The following FHIT variants were observed in gnomAD, a reference collection of about 807,000 sequenced individuals.
The protein encoded by FHIT is bis(5'-adenosyl)-triphosphatase.
FHIT carries 19 observed loss-of-function variants against 17.9 expected under a neutral mutation model. The observed-to-expected ratio is 1.06, with a 90% CI of 0.74 to 1.56. FHIT has a LOEUF of 1.56. FHIT is among the 40% of genes most tolerant of loss of function. The pLI is 0.00. For missense variants in FHIT, 248 were observed against 189.2 expected (o/e 1.31, Z -1.82); for synonymous variants, 81 against 69.7 (o/e 1.16, Z -0.81).
chr3:60,436,533 A>G (rs116253542), intron 5 of FHIT, among the ~76,000 whole-genome samples: 1,566 of 151,314 alleles, frequency 0.01, 41 homozygotes, highest in African/African-American at 0.034. Flanking sequence ...TGTCCTAGAC[A>G]TATTAGCCTT....
chr3:60,196,327 T>C (rs1702639105), intron 5 of FHIT, among the ~76,000 whole-genome samples: 1 of 152,110 alleles, frequency 6.6e-6, no homozygotes, highest in African/African-American at 2.4e-5. Flanking sequence ...CCTTCCCACA[T>C]CTTCAAAGCC....
intron 5 of FHIT, among the ~76,000 whole-genome samples, chr3:60,249,721 C>CACAT (rs1553723139): frequency 6.6e-6 from 1 of 151,012 alleles, no homozygotes; most frequent in Non-Finnish European, 1.5e-5. Context: ...CACACACACA[C>CACAT]GGGAGAAGGG....
rs140466746 is a variant in FHIT at position 60,278,499 on chromosome 3, A to G, written c.103+258361T>C. ...CTGAGATGTAATCATAATATACAAC[A>G]ATTATCCTTCCTGAGACCTCATCAC... On this transcript the variant is annotated intron_variant, in intron 5 of 9. Coordinates refer to ENST00000492590, the MANE Select transcript of FHIT (RefSeq NM_002012.4). Among the ~76,000 whole-genome samples the G allele has an allele frequency of 7.9e-5, 12 of 152,248 alleles. 1 individual carries two copies. The East Asian group carries it at 2.3e-3, about 29-fold the overall frequency.
rs78655030 is a variant in FHIT at position 60,675,666 on chromosome 3, T to C, written c.-17-138687A>G. 3.7e-4 allele frequency among the ~76,000 whole-genome samples: 56 copies of C among 152,328 alleles called. No homozygotes were observed. In the East Asian group the frequency reaches 0.01, roughly 28 times the overall value. ...GTAGTCTGCTCTCTTTTGCAATAAA[T>C]CACATCTGTCTCTATGATAGACTCT... On this transcript the variant is annotated intron_variant, in intron 4 of 9. Transcript: ENST00000492590.
intron 5 of FHIT, among the ~76,000 whole-genome samples, chr3:60,214,712 C>T (rs1355651658): frequency 6.6e-6 from 1 of 152,182 alleles, no homozygotes; most frequent in African/African-American, 2.4e-5. Context: ...GACATGTACA[C>T]TCCTATGTTC....
chr3:60,793,805 G>A (rs1553729346), intron 4 of FHIT, among the ~76,000 whole-genome samples: 1 of 152,136 alleles, frequency 6.6e-6, no homozygotes, highest in Non-Finnish European at 1.5e-5. Flanking sequence ...GCCATCCTGG[G>A]GGTTCCTAAA....
intron 7 of FHIT, among the ~76,000 whole-genome samples, chr3:59,973,846 C>A (rs966315109): frequency 2.0e-5 from 3 of 152,022 alleles, no homozygotes; most frequent in African/African-American, 7.2e-5. Flanking sequence ...AACTGTTCAC[C>A]ACCAATGAAA....
intron 8 of FHIT, among the ~76,000 whole-genome samples, chr3:59,802,221 C>T (rs574505663): frequency 9.2e-4 from 140 of 152,268 alleles, no homozygotes; most frequent in Non-Finnish European, 1.5e-3. Context: ...CCCTACCCTG[C>T]TTGGCAATAA....
chr3:60,195,553 A>ATATATATATATATT (rs148013554), intron 5 of FHIT, among the ~76,000 whole-genome samples: 54,038 of 136,310 alleles, frequency 0.4, 13,246 homozygotes, highest in African/African-American at 0.69. Flanking sequence ...TGTGATATAT[A>ATATATATATATATT]TATATATTTA....
intron 3 of FHIT, among the ~76,000 whole-genome samples, chr3:61,004,006 T>C (rs1261788020): frequency 1.3e-5 from 2 of 152,164 alleles, no homozygotes; most frequent in Non-Finnish European, 2.9e-5. Context: ...GCAGACAGAT[T>C]ATTAAATAAT....
At chr3:60,029,386 A>G (rs903274452) in intron 5 of FHIT, among the ~76,000 whole-genome samples, 2 of 152,210 alleles carry the variant, frequency 1.3e-5, no homozygotes, top group African/African-American at 4.8e-5. Flanking sequence ...ACAGGCCACA[A>G]ATTTAAAACC....
intron 3 of FHIT, among the ~76,000 whole-genome samples, chr3:60,958,339 A>G (rs62267342): frequency 0.23 from 35,658 of 152,058 alleles, 4,535 homozygotes; most frequent in African/African-American, 0.34. Context: ...TACAGTATAT[A>G]CATGTCCAGC....
chr3:61,039,873 T>C (rs1351641778), intron 3 of FHIT, among the ~76,000 whole-genome samples: 2 of 152,046 alleles, frequency 1.3e-5, no homozygotes, highest in African/African-American at 4.8e-5. Context: ...CAAAAAAACT[T>C]GTAAGGGATA....
At chr3:60,183,683 G>C (rs1413165741) in intron 5 of FHIT, among the ~76,000 whole-genome samples, 1 of 152,062 alleles carries the variant, frequency 6.6e-6, no homozygotes, top group African/African-American at 2.4e-5. Flanking sequence ...AAGTGATGCC[G>C]ACACCCTCTT....
chr3:60,935,380 C>G (rs1708145081), intron 3 of FHIT, among the ~76,000 whole-genome samples: 1 of 152,074 alleles, frequency 6.6e-6, no homozygotes, highest in Non-Finnish European at 1.5e-5. Flanking sequence ...AAAGGGAAAA[C>G]AGAGTAATGA....
At chr3:60,292,393 C>A (rs746098752) in intron 5 of FHIT, among the ~76,000 whole-genome samples, 2 of 152,126 alleles carry the variant, frequency 1.3e-5, no homozygotes, top group African/African-American at 2.4e-5. Context: ...AGTTCCCCTT[C>A]CCCTTCCAGA....
chr3:60,821,622 C>CAGGTAACAGGTA (rs1329239383), intron 4 of FHIT, among the ~76,000 whole-genome samples: 4 of 152,098 alleles, frequency 2.6e-5, no homozygotes, highest in African/African-American at 9.7e-5. Context: ...GCATGTCAGT[C>CAGGTAACAGGTA]AGGTAACAGG....
intron 5 of FHIT, among the ~76,000 whole-genome samples, chr3:60,260,677 G>T (rs898116199): frequency 2.0e-5 from 3 of 151,962 alleles, no homozygotes; most frequent in Admixed American, 6.6e-5. Flanking sequence ...GTAAAATAAG[G>T]CTGAGACCTA....
chr3:60,182,831 C>A (rs1701997601), intron 5 of FHIT, among the ~76,000 whole-genome samples: 1 of 151,494 alleles, frequency 6.6e-6, no homozygotes, highest in South Asian at 2.1e-4. Flanking sequence ...TTGTTAGTTC[C>A]TCCTTTTATT....
Sources: gnomAD v4.1 joint callset for allele counts (sites outside exome capture counted in the v4.1 genomes callset) on GRCh38, gnomAD v4.1.1 for gene constraint, MANE v1.5 for transcripts, NCBI Gene and HGNC (gene_info 2026-07-23, HGNC 2026-07-21) for gene names.